The following DLC1 variants were observed in gnomAD, a reference collection of about 807,000 sequenced individuals.
DLC1 encodes DLC1 Rho GTPase activating protein.
Under a neutral mutation model 140.3 loss-of-function variants are expected in DLC1, and 54 were observed. The observed-to-expected ratio is 0.38, with a 90% CI of 0.31 to 0.48. The LOEUF is 0.48. Among genes scored for constraint, DLC1 ranks in the 20% least tolerant of loss-of-function variants. The probability of loss-of-function intolerance (pLI) is 0.96; values close to 1 mark genes in which losing one functional copy is unlikely to be tolerated. For synonymous variants in DLC1, 986 were observed against 728.1 expected (o/e 1.35, Z -5.70); for missense variants, 2,536 against 1,907.0 (o/e 1.33, Z -6.14).
chr8:13,421,785 A>T (rs985642105), intron 2 of DLC1, among the ~76,000 whole-genome samples: 7 of 152,208 alleles, frequency 4.6e-5, no homozygotes, highest in South Asian at 2.1e-4. Context: ...TAAGGAAACC[A>T]AACAATGGCT....
chr8:13,421,774 A>G (rs990740813), intron 2 of DLC1, among the ~76,000 whole-genome samples: 1 of 152,182 alleles, frequency 6.6e-6, no homozygotes, highest in African/African-American at 2.4e-5. Flanking sequence ...TTCCTTGTGC[A>G]TAAGGAAACC....
chr8:13,349,692 G>A (rs1486848912), intron 4 of DLC1, among the ~76,000 whole-genome samples: 1 of 152,204 alleles, frequency 6.6e-6, no homozygotes, highest in Non-Finnish European at 1.5e-5. Context: ...AGGATTTGTT[G>A]CTGATGGTGT....
chr8:13,590,075 A>G (rs549756583), intron 1 of DLC1, among the ~76,000 whole-genome samples: 1 of 138,018 alleles, frequency 7.2e-6, no homozygotes, highest in South Asian at 2.3e-4. Context: ...ATATATATAT[A>G]TACAAACACA....
intron 4 of DLC1, among the ~76,000 whole-genome samples, chr8:13,336,237 T>C (rs1361172584): frequency 6.6e-6 from 1 of 152,142 alleles, no homozygotes; most frequent in Non-Finnish European, 1.5e-5. Context: ...TAAAGTTTTT[T>C]TTTCTAACAT....
intron 5 of DLC1, among the ~76,000 whole-genome samples, chr8:13,139,802 C>A (rs2128969489): frequency 6.6e-6 from 1 of 152,310 alleles, no homozygotes; most frequent in East Asian, 1.9e-4. Flanking sequence ...AAAAATCAAA[C>A]AAGTGGAAAG....
intron 5 of DLC1, among the ~76,000 whole-genome samples, chr8:13,257,747 T>C (rs926672363): frequency 6.6e-6 from 1 of 151,098 alleles, no homozygotes; most frequent in Non-Finnish European, 1.5e-5. Context: ...ATAAACACAA[T>C]AAAGTCTGTG....
intron 5 of DLC1, among the ~76,000 whole-genome samples, chr8:13,244,529 C>T (rs112921695): frequency 2.0e-5 from 3 of 151,974 alleles, no homozygotes; most frequent in Non-Finnish European, 4.4e-5. Context: ...AAACTCCTGG[C>T]CTAAAGTGAT....
intron 4 of DLC1, among the ~76,000 whole-genome samples, chr8:13,368,761 C>T (rs1166602181): frequency 6.6e-6 from 1 of 152,094 alleles, no homozygotes; most frequent in Non-Finnish European, 1.5e-5. Context: ...CAAGTTTCTT[C>T]CAAGTAAGGA....
chr8:13,211,999 G>C (rs929525204), intron 5 of DLC1, among the ~76,000 whole-genome samples: 1 of 152,084 alleles, frequency 6.6e-6, no homozygotes, highest in Non-Finnish European at 1.5e-5. Flanking sequence ...TCATAACCAG[G>C]ACATTAACAC....
intron 5 of DLC1, among the ~76,000 whole-genome samples, chr8:13,159,009 C>T (rs1220796504): frequency 6.6e-6 from 1 of 152,036 alleles, no homozygotes; most frequent in Non-Finnish European, 1.5e-5. Flanking sequence ...CAAACAGCTG[C>T]AGAATGTAGC....
At chr8:13,188,419 CAAAAAAAAAAA>C (rs1178090798) in intron 5 of DLC1, among the ~76,000 whole-genome samples, 1 of 58,984 alleles carries the variant, frequency 1.7e-5, no homozygotes, top group Non-Finnish European at 2.9e-5. Context: ...GACTCCGTCT[CAAAAAAAAAAA>C]AAAAAAAAAA....
chr8:13,488,649 G>A (rs1483884823), intron 2 of DLC1, among the ~76,000 whole-genome samples: 1 of 152,042 alleles, frequency 6.6e-6, no homozygotes, highest in Non-Finnish European at 1.5e-5. Context: ...ATCTGGAAAG[G>A]GATCCTCCCT....
chr8:13,272,272 AC>A (rs1050750391), intron 5 of DLC1, among the ~76,000 whole-genome samples: 21 of 151,918 alleles, frequency 1.4e-4, no homozygotes, highest in Non-Finnish European at 3.1e-4. Flanking sequence ...ACATGGTGAA[AC>A]CCTGCCTCTA....
At chr8:13,392,182 T>C (rs1199676248) in intron 4 of DLC1, among the ~76,000 whole-genome samples, 3 of 152,184 alleles carry the variant, frequency 2.0e-5, no homozygotes, top group Non-Finnish European at 4.4e-5. Flanking sequence ...ATTCCCAATA[T>C]ATGCAGTATT....
intron 9 of DLC1, 36 bp downstream of exon 9, chr8:13,099,311 G>A (rs1818779513): frequency 6.3e-7 from 1 of 1,584,042 alleles, no homozygotes; most frequent in African/African-American, 1.4e-5. Context: ...CTGACCCCCA[G>A]TGCCCCACAC....
chr8:13,517,859 C>A (rs1450378735), upstream of DLC1, among the ~76,000 whole-genome samples: 1 of 152,160 alleles, frequency 6.6e-6, no homozygotes, highest in African/African-American at 2.4e-5. Context: ...AGAATTGTCA[C>A]AATGCAAAAA....
In DLC1 at chr8:13,214,372, C is replaced by A. The variant is rs144321890; in HGVS notation, c.1348+90897G>T. On this transcript the variant is annotated intron_variant, in intron 5 of 17. Coordinates refer to ENST00000276297, the MANE Select transcript of DLC1 (RefSeq NM_182643.3). ...AAAGTTTCCCTTTTAGCTTTCGGGA[C>A]CCTGTTGACAGGCTTTGGAGCCCAC... The A allele has an allele frequency of 3.1e-3, 1,145 of 370,386 alleles. 5 individuals are homozygous for A. The highest frequency in any genetic ancestry group is 4.6e-3 in the Non-Finnish European group (963 of 207,900). 22.9% of individuals were successfully genotyped at this position (370,386 alleles called of 1,614,324 possible). A position where few individuals can be genotyped will look rare whatever the true frequency, so the allele number is the denominator to read the frequency against.
chr8:13,578,580 G>T (rs996044808), intron 1 of DLC1, among the ~76,000 whole-genome samples: 9 of 152,140 alleles, frequency 5.9e-5, no homozygotes, highest in Non-Finnish European at 1.0e-4. Context: ...CTACACTTCT[G>T]ACTGACCTGC....
At position 13,453,427 on chromosome 8, in the gene DLC1, TATATATATATGTATATATATAC is replaced by T. The variant is rs1203228326; in HGVS notation, c.1023+45600_1023+45621del. On this transcript the variant is annotated intron_variant, in intron 2 of 17. Transcript: ENST00000276297. ...GTGTATATATATATATATATATGTG[TATATATATATGTATATATATAC>T]ATATATATATGTATATATATACATA... Among the ~76,000 whole-genome samples, 67 of 19,678 alleles carry T rather than the reference TATATATATATGTATATATATAC, an allele frequency of 3.4e-3. 2 individuals are homozygous for T. The highest frequency in any genetic ancestry group is 4.7e-3 in the Non-Finnish European group (56 of 11,814). 12.9% of individuals were successfully genotyped at this position (19,678 alleles called of 152,430 possible).
Sources: gnomAD v4.1 joint callset for allele counts (sites outside exome capture counted in the v4.1 genomes callset) on GRCh38, gnomAD v4.1.1 for gene constraint, MANE v1.5 for transcripts, NCBI Gene and HGNC (gene_info 2026-07-23, HGNC 2026-07-21) for gene names.